The following SLC34A2 variants were observed in gnomAD, a reference collection of about 807,000 sequenced individuals.
The protein encoded by SLC34A2 is solute carrier family 34 member 2.
In SLC34A2, 41 loss-of-function variants were observed where a neutral mutation model predicts 50.8. The observed-to-expected ratio is 0.81, with a 90% CI of 0.63 to 1.05. The LOEUF (loss-of-function observed/expected upper bound fraction) is 1.05. Ranked by LOEUF, SLC34A2 falls within the 50% of genes least tolerant of loss-of-function variation. The probability of loss-of-function intolerance (pLI) is 0.00; values close to 1 mark genes in which losing one functional copy is unlikely to be tolerated. For missense variants in SLC34A2, 879 were observed against 876.7 expected (o/e 1.00, Z -0.03); for synonymous variants, 401 against 364.2 (o/e 1.10, Z -1.15).
intron 6 of SLC34A2, among the ~76,000 whole-genome samples, chr4:25,668,913 T>G (rs1448094409): frequency 6.6e-6 from 1 of 151,516 alleles, no homozygotes; most frequent in Non-Finnish European, 1.5e-5. Context: ...TTCAGTTTTT[T>G]TTTAAAAGGT....
chr4:25,667,588 C>T (rs748492281), intron 5 of SLC34A2, among the ~76,000 whole-genome samples: 1 of 152,204 alleles, frequency 6.6e-6, no homozygotes, highest in Non-Finnish European at 1.5e-5. Context: ...GCACAACTGA[C>T]TCAACTGTAC....
chr4:25,668,788 G>T (rs572431215), intron 6 of SLC34A2, among the ~76,000 whole-genome samples: 5 of 151,298 alleles, frequency 3.3e-5, no homozygotes, highest in African/African-American at 1.2e-4. Context: ...TAGTTTCTGC[G>T]TATGCAGAAA....
At chr4:25,657,519 CA>C (rs888376714) in intron 1 of SLC34A2, among the ~76,000 whole-genome samples, 1 of 152,070 alleles carries the variant, frequency 6.6e-6, no homozygotes, top group Non-Finnish European at 1.5e-5. Flanking sequence ...CCTCCCCCCC[CA>C]ATACAATGCA....
chr4:25,665,366 C>T (rs1035742276), intron 4 of SLC34A2, among the ~76,000 whole-genome samples: 6 of 151,910 alleles, frequency 3.9e-5, no homozygotes, highest in Admixed American at 2.6e-4. Context: ...GGGGTTTCTC[C>T]GTGTTGGTCA....
chr4:25,662,286 G>A (rs1714232997), intron 1 of SLC34A2, among the ~76,000 whole-genome samples: 1 of 152,232 alleles, frequency 6.6e-6, no homozygotes, highest in Admixed American at 6.5e-5. Flanking sequence ...GCGACTGGGT[G>A]AGTGTTTGAA....
intron 1 of SLC34A2, 80 bp from the exon 2 acceptor site, chr4:25,662,418 A>C: frequency 1.5e-6 from 2 of 1,314,516 alleles, no homozygotes; most frequent in Non-Finnish European, 2.2e-6. Flanking sequence ...ATGCTTTGCA[A>C]CCAATGGTTC....
intron 6 of SLC34A2, 48 bp downstream of exon 6, chr4:25,668,039 G>A: frequency 1.6e-6 from 2 of 1,223,372 alleles, no homozygotes; most frequent in Non-Finnish European, 1.2e-6. Context: ...TATTGTTCTT[G>A]GCCACGCTGT....
In SLC34A2 at chr4:25,678,685, TA is replaced by T. The variant is rs1185528705; in HGVS notation, c.*1938del. 4 of 437,526 alleles carry T rather than the reference TA, an allele frequency of 9.1e-6. No individual in the cohort carries two copies. Among genetic ancestry groups the T allele is most frequent in the South Asian group, 2.8e-5 (1 of 35,262 alleles). 27.1% of individuals were successfully genotyped at this position (437,526 alleles called of 1,614,324 possible). ...CGTGAGCCACCACCAGGCCTGATTG[TA>T]ATTTTTTTTTTTTTTTTTTTACTGG... On this transcript the variant is annotated 3_prime_UTR_variant, in exon 13 of 13. Transcript: ENST00000382051.
chr4:25,676,539 C>CT lies in SLC34A2; in HGVS notation c.1864dup (p.Cys622LeufsTer13). 1 of 1,613,792 alleles carries CT rather than the reference C, an allele frequency of 6.2e-7. No homozygotes were observed. The highest frequency in any genetic ancestry group is 1.3e-5 in the African/African-American group (1 of 75,040). ...GCTTCCAGATGCGCTGCTGCTGCTGCTGCCGCGTGTGCTGCCGCGCGTGCT... is the reference window on the plus strand; with the variant it reads ...GCTTCCAGATGCGCTGCTGCTGCTGCTTGCCGCGTGTGCTGCCGCGCGTGCT... On this transcript the variant is annotated frameshift_variant, in exon 13 of 13. Coordinates refer to ENST00000382051, the MANE Select transcript of SLC34A2 (RefSeq NM_006424.3). LOFTEE classifies it low-confidence loss of function (END_TRUNC).
intron 7 of SLC34A2, 121 bp from the exon 8 acceptor site, chr4:25,670,615 CCT>C: frequency 1.4e-6 from 1 of 736,344 alleles, no homozygotes; most frequent in Non-Finnish European, 2.4e-6. Context: ...TCCCACTTTG[CCT>C]CTCTGGGGGC....
chr4:25,676,853 C>G lies in SLC34A2; in HGVS notation c.*104C>G. ...TTCACCACCTCGAGGAGATTTGCTCCCCATTAGCGAATGAAATTGATGCAG... is the reference window on the plus strand; with the variant it reads ...TTCACCACCTCGAGGAGATTTGCTCGCCATTAGCGAATGAAATTGATGCAG... On this transcript the variant is annotated 3_prime_UTR_variant, in exon 13 of 13. Transcript: ENST00000382051. The G allele has an allele frequency of 6.6e-7, 1 of 1,509,408 alleles. No homozygotes were observed. The highest frequency in any genetic ancestry group is 9.1e-7 in the Non-Finnish European group (1 of 1,099,736). The allele number at this position is 1,509,408 out of a possible 1,614,324, so 93.5% of individuals were successfully genotyped here. A position where few individuals can be genotyped will look rare whatever the true frequency, so the allele number is the denominator to read the frequency against.
intron 1 of SLC34A2, 82 bp from the exon 2 acceptor site, chr4:25,662,416 C>A: frequency 1.5e-6 from 2 of 1,294,820 alleles, no homozygotes; most frequent in Non-Finnish European, 1.1e-6. Context: ...TGATGCTTTG[C>A]AACCAATGGT....
intron 6 of SLC34A2, among the ~76,000 whole-genome samples, chr4:25,668,871 T>A (rs1216071896): frequency 6.6e-6 from 1 of 151,286 alleles, no homozygotes; most frequent in Non-Finnish European, 1.5e-5. Flanking sequence ...ATTAAGTGTT[T>A]CTTAGCCTCT....
chr4:25,668,135 TAG>T, intron 6 of SLC34A2, 144 bp downstream of exon 6: 1 of 706,002 alleles, frequency 1.4e-6, no homozygotes, highest in Non-Finnish European at 2.6e-6. Flanking sequence ...GAGGTATGGC[TAG>T]GGTTGGATCA....
At chr4:25,668,129 T>A in intron 6 of SLC34A2, 138 bp downstream of exon 6, 1 of 713,112 alleles carries the variant, frequency 1.4e-6, no homozygotes, top group Non-Finnish European at 2.6e-6. Flanking sequence ...CACAGGGAGG[T>A]ATGGCTAGGG....
intron 1 of SLC34A2, among the ~76,000 whole-genome samples, chr4:25,661,756 A>G (rs1202342983): frequency 3.9e-5 from 6 of 152,202 alleles, no homozygotes; most frequent in Admixed American, 2.0e-4. Context: ...AAGGTTTTGC[A>G]TAGATTTGCA....
chr4:25,674,562 G>GCAC lies in SLC34A2; in HGVS notation c.1402_1404dup (p.Thr468dup). 1 of 1,614,126 alleles carries GCAC rather than the reference G, an allele frequency of 6.2e-7. No individual in the cohort carries two copies. The highest frequency in any genetic ancestry group is 1.3e-5 in the African/African-American group (1 of 75,028). ...CCACTCACGCTGGGCTCCAACATCG[G>GCAC]CACCACCACCACCGCCATCCTGGCC... is the stretch of plus-strand genomic sequence containing the variant. On this transcript the variant is annotated inframe_insertion, in exon 12 of 13. Transcript: ENST00000382051.
At chr4:25,668,072 A>G (rs1714598409) in intron 6 of SLC34A2, 81 bp downstream of exon 6, 1 of 863,880 alleles carries the variant, frequency 1.2e-6, no homozygotes, top group East Asian at 2.5e-5. Context: ...TAACCAGCCA[A>G]AGATGACATG....
In SLC34A2 at chr4:25,676,304, C is replaced by T. The variant is rs747696561; in HGVS notation, c.1628C>T (p.Thr543Met). Residue 543 changes from threonine (T) to methionine (M), a missense_variant, in exon 13 of 13, where the codon ACG (threonine) becomes ATG (methionine). Physicochemically the swap from Thr to Met is moderately conservative, Grantham distance 81 (BLOSUM62 -1). Transcript: ENST00000382051. Reference sequence around the variant, plus strand: ...ATCTTCTTCTTCCTGATCCCGCTGACGGTGTTTGGCCTCTCGCTGGCCGGC... The same window carrying T: ...ATCTTCTTCTTCCTGATCCCGCTGATGGTGTTTGGCCTCTCGCTGGCCGGC... ...LIIFFFLIPL[T>M]VFGLSLAGWR... 3.7e-6 allele frequency: 6 copies of T among 1,614,074 alleles called. No individual in the cohort carries two copies. The Admixed American group carries it at 1.0e-4, about 27-fold the overall frequency.
Sources: allele counts gnomAD v4.1 joint callset (sites outside exome capture counted in the v4.1 genomes callset), GRCh38; gene constraint gnomAD v4.1.1; transcripts MANE v1.5; gene names NCBI Gene and HGNC (gene_info 2026-07-23, HGNC 2026-07-21).